FBRS: variants seen among roughly 807,000 people sequenced by gnomAD.
FBRS encodes the protein probable fibrosin-1.
FBRS carries 15 observed loss-of-function variants against 86.1 expected under a neutral mutation model. The observed-to-expected ratio is 0.17, with a 90% CI of 0.12 to 0.27. FBRS has a LOEUF of 0.27. Ranked by LOEUF, FBRS falls within the 10% of genes least tolerant of loss-of-function variation. The pLI is 1.00. For synonymous variants in FBRS, 666 were observed against 575.8 expected, an observed-to-expected ratio of 1.16 and a Z score of -2.24; for missense variants, 1,367 against 1,301.6, an observed-to-expected ratio of 1.05 and a Z score of -0.77.
At chr16:30,667,254 T>A (rs1159872476) in intron 13 of FBRS, 66 bp from the exon 14 acceptor site, 1 of 1,305,886 alleles carries the variant, frequency 7.7e-7, no homozygotes, top group Non-Finnish European at 1.1e-6. Context: ...GAACCACGGG[T>A]GAGAGAGCAA....
In FBRS at chr16:30,670,548, T is replaced by C. The variant is rs751243119; in HGVS notation, c.*903T>C. On this transcript the variant is annotated 3_prime_UTR_variant, in exon 18 of 18. Transcript: ENST00000356166. ...TGTTCTCCAAAACCCTGCCCCAGGCTAAGGGTGGCCAGAGAAGGTCACCAT... is the reference window on the plus strand; with the variant it reads ...TGTTCTCCAAAACCCTGCCCCAGGCCAAGGGTGGCCAGAGAAGGTCACCAT... The C allele has an allele frequency of 4.1e-5, 10 of 245,318 alleles. No individual in the cohort carries two copies. Among genetic ancestry groups the C allele is most frequent in the Non-Finnish European group, 7.3e-5 (9 of 123,074 alleles). The allele number at this position is 245,318 out of a possible 1,614,324, so 15.2% of individuals were successfully genotyped here. A position where few individuals can be genotyped will look rare whatever the true frequency, so the allele number is the denominator to read the frequency against.
rs572696723 is a variant in FBRS at position 30,666,455 on chromosome 16, C to T, written c.1774-57C>T. 1.7e-5 allele frequency: 27 copies of T among 1,610,758 alleles called. No individual in the cohort carries two copies. In the East Asian group the frequency reaches 3.3e-4, roughly 20 times the overall value. On this transcript the variant is annotated intron_variant, in intron 11 of 17. Coordinates refer to ENST00000356166, the MANE Select transcript of FBRS (RefSeq NM_001105079.3). Reference sequence around the variant, plus strand: ...GAGTGGATGCTGTGGAGATGCGAGGCGCCTGGCCCAGGACTCGGGTCTGAG... The same window carrying T: ...GAGTGGATGCTGTGGAGATGCGAGGTGCCTGGCCCAGGACTCGGGTCTGAG...
Position 30,670,324 on chromosome 16 carries a change from G to C in FBRS, c.*679G>C. 2.5e-6 allele frequency: 1 copy of C among 395,190 alleles called. No individual in the cohort carries two copies. The highest frequency in any genetic ancestry group is 1.8e-5 in the South Asian group (1 of 54,516). 24.5% of individuals were successfully genotyped at this position (395,190 alleles called of 1,614,324 possible). A position where few individuals can be genotyped will look rare whatever the true frequency, so the allele number is the denominator to read the frequency against. On this transcript the variant is annotated 3_prime_UTR_variant, in exon 18 of 18. Transcript: ENST00000356166. ...TGACCAACAGGGGGCAGGACCTGGG[G>C]ACCTGGGCTGGAGGGAAGGGCAGAA...
chr16:30,662,629 C>A lies in FBRS; in HGVS notation c.825C>A (p.Gly275=). The A allele has an allele frequency of 6.5e-7, 1 of 1,545,096 alleles. No individual in the cohort carries two copies. ...TCTCCGTGGTCCCTAAAGTGTCGGGCCTGGAGCGGAGCCAAGAACAGCCCC... is the reference window on the plus strand; with the variant it reads ...TCTCCGTGGTCCCTAAAGTGTCGGGACTGGAGCGGAGCCAAGAACAGCCCC... The part of the protein sequence containing the change: ...AKLSVVPKVS[G]LERSQEQPPG... The change falls in exon 6 of 18, where the codon GGC becomes GGA. Residue 275 remains glycine (G), a synonymous_variant. Coordinates refer to ENST00000356166, the MANE Select transcript of FBRS (RefSeq NM_001105079.3).
Position 30,664,290 on chromosome 16 carries a change from C to T in FBRS, c.1131C>T (p.Ser377=), listed in dbSNP as rs1338763855. 5.9e-6 allele frequency: 9 copies of T among 1,524,840 alleles called. No homozygotes were observed. The highest frequency in any genetic ancestry group is 2.8e-5 in the African/African-American group (2 of 72,310). The allele number at this position is 1,524,840 out of a possible 1,614,324, so 94.5% of individuals were successfully genotyped here. Residue 377 remains serine, a synonymous_variant, in exon 7 of 18, where the codon TCC becomes TCT. Coordinates refer to ENST00000356166, the MANE Select transcript of FBRS (RefSeq NM_001105079.3). Reference sequence around the variant, plus strand: ...CCCCCTCATCATCCTCTTCGTCCTCCTCCTCCTCATCTGCCTCCTCCTCGT... The same window carrying T: ...CCCCCTCATCATCCTCTTCGTCCTCTTCCTCCTCATCTGCCTCCTCCTCGT... The part of the protein sequence containing the change: ...QPPPSSSSSS[S]SSSSASSSSA...
rs2052534631 is a variant in FBRS at position 30,667,304 on chromosome 16, CCT to C, written c.1876-15_1876-14del. ...TGGCTCCTCATGTACTGCCCCTCTC[CCT>C]GTGTCCCACACAGGGTGACTCCCAC... On this transcript the variant is annotated splice_polypyrimidine_tract_variant and intron_variant, in intron 13 of 17. Transcript: ENST00000356166. The C allele has an allele frequency of 1.3e-6, 2 of 1,533,482 alleles. No homozygotes were observed. The highest frequency in any genetic ancestry group is 1.8e-6 in the Non-Finnish European group (2 of 1,133,900). 95.0% of individuals were successfully genotyped at this position (1,533,482 alleles called of 1,614,324 possible).
At chr16:30,666,023 A>T in intron 11 of FBRS, 1 of 416,732 alleles carries the variant, frequency 2.4e-6, no homozygotes, top group East Asian at 4.7e-5. Flanking sequence ...AAAACAAAAG[A>T]TAAGCTGCCC....
Position 30,668,881 on chromosome 16 carries a change from C to G in FBRS, c.2268C>G (p.Ala756=), listed in dbSNP as rs1232610987. 6.3e-7 allele frequency: 1 copy of G among 1,587,140 alleles called. No individual in the cohort carries two copies. Among genetic ancestry groups the G allele is most frequent in the South Asian group, 1.1e-5 (1 of 88,180 alleles). The stretch of plus-strand genomic sequence containing the variant: ...ACCGCAGTCCTCTGACCTTTCCTGC[C>G]TGGGTCCGGCCCCCTGAGGCCGCCC... The part of the protein sequence containing the change: ...RLHRSPLTFP[A]WVRPPEAART... Residue 756 remains alanine, a synonymous_variant, in exon 17 of 18, where the codon GCC becomes GCG. Transcript: ENST00000356166.
Position 30,669,609 on chromosome 16 carries a change from ACCTAGGGGC to A in FBRS, c.2911_2919del (p.Arg971_Pro973del), listed in dbSNP as rs562693493. The A allele has an allele frequency of 3.1e-3, 5,021 of 1,607,316 alleles. 8 individuals carry two copies. The highest frequency in any genetic ancestry group is 3.9e-3 in the Non-Finnish European group (4,642 of 1,178,372). On this transcript the variant is annotated inframe_deletion, in exon 18 of 18. Coordinates refer to ENST00000356166, the MANE Select transcript of FBRS (RefSeq NM_001105079.3). This position sits in a 1 kb window ranked among gnomAD's most constrained non-coding sequence, Gnocchi z 5.9. ...TGCCCGCCCCCCGGCCCAGTTCCCC[ACCTAGGGGC>A]CCTGGCCCAGCTCGGGCTGACAGGT... is the stretch of plus-strand genomic sequence containing the variant.
At position 30,665,079 on chromosome 16, in the gene FBRS, T is replaced by A; in HGVS notation, c.1608T>A (p.Asn536Lys). ...AGATGGAAGGCCTTTTCCGACATAA[T>A]GTGAGTGTGTGTGTGCGTGTGCGTA... ...PGKMEGLFRH[N>K]PYTAFPPAVP... is the part of the protein sequence containing the mutation. The change falls in exon 9 of 18, where the codon AAT (asparagine) becomes AAA (lysine). Residue 536 changes from asparagine to lysine, a missense_variant and splice_region_variant. Physicochemically the swap from Asn to Lys is moderately conservative, Grantham distance 94 (BLOSUM62 0). This residue lies in a region of FBRS where 659 missense variants were observed against 678.8 expected (regional missense o/e 0.97). Coordinates refer to ENST00000356166, the MANE Select transcript of FBRS (RefSeq NM_001105079.3). This position sits in a 1 kb window ranked among gnomAD's most constrained non-coding sequence, Gnocchi z 4.1. The A allele has an allele frequency of 6.2e-7, 1 of 1,612,964 alleles. No individual in the cohort carries two copies. Among genetic ancestry groups the A allele is most frequent in the Non-Finnish European group, 8.5e-7 (1 of 1,179,750 alleles).
chr16:30,661,540 C>G (rs2052462006), intron 4 of FBRS, among the ~76,000 whole-genome samples: 1 of 152,022 alleles, frequency 6.6e-6, no homozygotes, highest in Non-Finnish European at 1.5e-5. Context: ...GGTTAGCTGA[C>G]CAAGGAATGG....
chr16:30,664,675 T>C (rs1451895257), intron 7 of FBRS, 40 bp from the exon 8 acceptor site: 21 of 1,467,868 alleles, frequency 1.4e-5, no homozygotes, highest in Non-Finnish European at 1.5e-5. Flanking sequence ...GAGGCTGATG[T>C]GGCGACAGCA....
In FBRS at chr16:30,664,532, T is replaced by C; in HGVS notation, c.1357+16T>C. On this transcript the variant is annotated intron_variant, in intron 7 of 17. Transcript: ENST00000356166. ...GCCCTTTCTGGTGAGTTTGGGGTCC[T>C]GGCCGGGGGGTGGGGGGCCATCACC... is the stretch of plus-strand genomic sequence containing the variant. 2 of 1,421,610 alleles carry C rather than the reference T, an allele frequency of 1.4e-6. No homozygotes were observed. The highest frequency in any genetic ancestry group is 1.5e-5 in the South Asian group (1 of 66,066). 88.1% of individuals were successfully genotyped at this position (1,421,610 alleles called of 1,614,324 possible). A position where few individuals can be genotyped will look rare whatever the true frequency, so the allele number is the denominator to read the frequency against.
rs779941884 is a variant in FBRS at position 30,669,649 on chromosome 16, G to A, written c.*4G>A. On this transcript the variant is annotated 3_prime_UTR_variant, in exon 18 of 18. Coordinates refer to ENST00000356166, the MANE Select transcript of FBRS (RefSeq NM_001105079.3). The surrounding 1 kb of genome is among the most constrained non-coding windows in gnomAD (Gnocchi z 5.9). ...CCCAGCTCGGGCTGACAGGTGAGGG[G>A]AACGGGGGGGGGTCGGGGCAAAGCT... The A allele has an allele frequency of 3.2e-6, 5 of 1,586,328 alleles. No homozygotes were observed. The highest frequency in any genetic ancestry group is 2.2e-5 in the South Asian group (2 of 89,760).
At position 30,668,999 on chromosome 16, in the gene FBRS, T is replaced by TCCCCCCCCCCCC; in HGVS notation, c.2366+20_2366+21insCCCCCCCCCCCC. The TCCCCCCCCCCCC allele has an allele frequency of 3.1e-6, 1 of 319,466 alleles. No individual in the cohort carries two copies. The allele number at this position is 319,466 out of a possible 1,614,324, so 19.8% of individuals were successfully genotyped here. A position where few individuals can be genotyped will look rare whatever the true frequency, so the allele number is the denominator to read the frequency against. ...GGACAGGTGTGCCTCCCACCCACCC[T>TCCCCCCCCCCCC]GCCCCTGCCCCACCCTCAGCCCCTG... is the stretch of plus-strand genomic sequence containing the variant. On this transcript the variant is annotated intron_variant, in intron 17 of 17. Transcript: ENST00000356166.
intron 13 of FBRS, 110 bp downstream of exon 13, chr16:30,667,100 C>A: frequency 8.7e-7 from 1 of 1,151,714 alleles, no homozygotes; most frequent in Non-Finnish European, 1.3e-6. Flanking sequence ...GAAACATTCT[C>A]TCCTGTCCCC....
rs1485517296 is a variant in FBRS, at chr16:30,662,637, G to A, written c.833G>A (p.Arg278Gln). The change falls in exon 6 of 18, where the codon CGG (arginine) becomes CAG (glutamine). Residue 278 changes from arginine (R) to glutamine (Q), a missense_variant. This residue lies in a region of FBRS where 702 missense variants were observed against 598.7 expected (regional missense o/e 1.17). Transcript: ENST00000356166. ...GTCCCTAAAGTGTCGGGCCTGGAGC[G>A]GAGCCAAGAACAGCCCCCGGGGCCC... The part of the protein sequence containing the change: ...SVVPKVSGLE[R>Q]SQEQPPGPDP... 4 of 1,546,032 alleles carry A rather than the reference G, an allele frequency of 2.6e-6. No homozygotes were observed. Among genetic ancestry groups the A allele is most frequent in the Non-Finnish European group, 3.5e-6 (4 of 1,144,102 alleles).
In FBRS at chr16:30,668,969, GAGA is replaced by G. The variant is rs1282354757; in HGVS notation, c.2359_2361del (p.Lys787del). 3.2e-6 allele frequency: 5 copies of G among 1,579,158 alleles called. No homozygotes were observed. Among genetic ancestry groups the G allele is most frequent in the Admixed American group, 3.6e-5 (2 of 55,340 alleles). ...GAGGGAGCCCTCCATCACCAAGGAG[GAGA>G]AGGACAGGTGTGCCTCCCACCCACC... On this transcript the variant is annotated inframe_deletion, in exon 17 of 18. Coordinates refer to ENST00000356166, the MANE Select transcript of FBRS (RefSeq NM_001105079.3).
rs1364834369 is a variant in FBRS, at chr16:30,662,836, C to T, written c.1032C>T (p.Ser344=). The change falls in exon 6 of 18, where the codon AGC becomes AGT. Residue 344 remains serine, a synonymous_variant. Transcript: ENST00000356166. The part of the protein sequence containing the change: ...PFGLRTSPYG[S]SLDLSTGSSS... The stretch of plus-strand genomic sequence containing the variant: ...GCCTCCGCACTTCTCCATATGGCAG[C>T]AGCCTGGACCTCAGCACTGGCAGGT... 3 of 1,455,128 alleles carry T rather than the reference C, an allele frequency of 2.1e-6. No homozygotes were observed. Among genetic ancestry groups the T allele is most frequent in the Non-Finnish European group, 1.8e-6 (2 of 1,099,112 alleles). The allele number at this position is 1,455,128 out of a possible 1,614,324, so 90.1% of individuals were successfully genotyped here. A position where few individuals can be genotyped will look rare whatever the true frequency, so the allele number is the denominator to read the frequency against.
Sources: allele counts gnomAD v4.1 joint callset (sites outside exome capture counted in the v4.1 genomes callset), GRCh38; gene constraint gnomAD v4.1.1; regional missense constraint gnomAD v4.1.1; non-coding constraint Gnocchi (gnomAD v3.1); transcripts MANE v1.5; gene names NCBI Gene and HGNC (gene_info 2026-07-23, HGNC 2026-07-21).